SLC23A2: variants seen among roughly 807,000 people sequenced by gnomAD.
The protein encoded by SLC23A2 is Na(+)/L-ascorbic acid transporter 2.
Under a neutral mutation model 73.3 loss-of-function variants are expected in SLC23A2, and 36 were observed. The observed-to-expected ratio is 0.49, with a 90% CI of 0.38 to 0.65. The LOEUF is 0.65. Ranked by LOEUF, SLC23A2 falls within the 30% of genes least tolerant of loss-of-function variation. The pLI is 0.00. For synonymous variants in SLC23A2, 343 were observed against 327.3 expected (o/e 1.05, Z -0.52); for missense variants, 507 against 841.6 (o/e 0.60, Z 4.92).
chr20:4,893,598 T>C (rs755645090), intron 6 of SLC23A2, among the ~76,000 whole-genome samples: 15 of 152,132 alleles, frequency 9.9e-5, no homozygotes, highest in Non-Finnish European at 1.8e-4. Context: ...CAAGGTTCCA[T>C]TACGGGCCCC....
chr20:4,987,665 G>A (rs1417477288), intron 1 of SLC23A2, among the ~76,000 whole-genome samples: 2 of 151,850 alleles, frequency 1.3e-5, no homozygotes, highest in South Asian at 2.1e-4. Context: ...TGGCTAACAC[G>A]GTGAAACCCC....
chr20:5,002,276 G>C (rs2088139403), upstream of SLC23A2, among the ~76,000 whole-genome samples: 1 of 152,198 alleles, frequency 6.6e-6, no homozygotes. Flanking sequence ...AGTTGCTAAG[G>C]CTGGAGGTCT....
intron 1 of SLC23A2, among the ~76,000 whole-genome samples, chr20:4,988,168 G>A (rs1325062722): frequency 4.7e-5 from 7 of 150,374 alleles, no homozygotes; most frequent in East Asian, 2.0e-4. Context: ...CAGGCCTGGT[G>A]GTGGGCACCT....
chr20:4,862,653 T>C lies in SLC23A2; in HGVS notation c.1486+125A>G. ...TAAAAGTTTTCATTTTTTGAAGGCATATCCTTTGTATTTTAAAATAGAAAT... is the reference window on the plus strand; with the variant it reads ...TAAAAGTTTTCATTTTTTGAAGGCACATCCTTTGTATTTTAAAATAGAAAT... On this transcript the variant is annotated intron_variant, in intron 14 of 16. Transcript: ENST00000338244. This position sits in a 1 kb window ranked among gnomAD's most constrained non-coding sequence, Gnocchi z 5.1. 1.2e-6 allele frequency: 1 copy of C among 851,194 alleles called. No homozygotes were observed. The highest frequency in any genetic ancestry group is 2.5e-5 in the East Asian group (1 of 40,190). 52.7% of individuals were successfully genotyped at this position (851,194 alleles called of 1,614,324 possible).
At chr20:4,935,999 A>G in intron 2 of SLC23A2, among the ~76,000 whole-genome samples, 1 of 152,198 alleles carries the variant, frequency 6.6e-6, no homozygotes, top group East Asian at 1.9e-4. Context: ...ACAGAGCTTC[A>G]TTTTAAGGAT....
At chr20:4,961,361 C>A (rs1290591748) in intron 2 of SLC23A2, among the ~76,000 whole-genome samples, 1 of 152,086 alleles carries the variant, frequency 6.6e-6, no homozygotes, top group Non-Finnish European at 1.5e-5. Context: ...GGATTACAGG[C>A]GTGAGCCACC....
chr20:4,857,304 A>ACG lies in SLC23A2; in HGVS notation c.1721-101_1721-100insCG. 1.7e-6 allele frequency: 1 copy of ACG among 575,840 alleles called. No individual in the cohort carries two copies. Among genetic ancestry groups the ACG allele is most frequent in the East Asian group, 2.8e-5 (1 of 35,870 alleles). 35.7% of individuals were successfully genotyped at this position (575,840 alleles called of 1,614,324 possible). A position where few individuals can be genotyped will look rare whatever the true frequency, so the allele number is the denominator to read the frequency against. ...CACATACACACACACACACACACAC[A>ACG]CACACACACACACACACACACACAC... is the stretch of plus-strand genomic sequence containing the variant. On this transcript the variant is annotated intron_variant, in intron 16 of 16. Transcript: ENST00000338244. The surrounding 1 kb of genome is among the most constrained non-coding windows in gnomAD (Gnocchi z 4.0).
At chr20:4,942,849 A>G (rs1221441028) in intron 2 of SLC23A2, among the ~76,000 whole-genome samples, 1 of 152,184 alleles carries the variant, frequency 6.6e-6, no homozygotes, top group African/African-American at 2.4e-5. Flanking sequence ...TAGCAGAGTG[A>G]GCAGGTAACA....
intron 5 of SLC23A2, among the ~76,000 whole-genome samples, chr20:4,900,234 T>C (rs1004860612): frequency 6.6e-6 from 1 of 152,246 alleles, no homozygotes; most frequent in African/African-American, 2.4e-5. Flanking sequence ...ACTTATTACT[T>C]GGATGAATCC....
chr20:4,959,998 T>G (rs908660035), intron 2 of SLC23A2, among the ~76,000 whole-genome samples: 1 of 152,012 alleles, frequency 6.6e-6, no homozygotes, highest in African/African-American at 2.4e-5. Context: ...CTCGCTATGT[T>G]GCCCAGGCTG....
At position 4,883,150 on chromosome 20, in the gene SLC23A2, C is replaced by CCCCAA. The variant is rs1181110764; in HGVS notation, c.824+487_824+491dup. ...GACCCTGGCAGAAACTATGTCCCTC[C>CCCCAA]CCCAACCACCCACCCGTCAGGAGTG... On this transcript the variant is annotated intron_variant, in intron 9 of 16. Transcript: ENST00000338244. This position sits in a 1 kb window ranked among gnomAD's most constrained non-coding sequence, Gnocchi z 4.5. Among the ~76,000 whole-genome samples, 1 of 152,184 alleles carries CCCCAA rather than the reference C, an allele frequency of 6.6e-6. No homozygotes were observed. The highest frequency in any genetic ancestry group is 1.5e-5 in the Non-Finnish European group (1 of 68,030).
chr20:4,962,930 G>A (rs1226966267), intron 2 of SLC23A2, among the ~76,000 whole-genome samples: 1 of 152,108 alleles, frequency 6.6e-6, no homozygotes, highest in African/African-American at 2.4e-5. Flanking sequence ...CCAGGGAGGC[G>A]GAGGTTGCAA....
intron 1 of SLC23A2, among the ~76,000 whole-genome samples, chr20:4,972,461 T>C (rs2087576414): frequency 6.6e-6 from 1 of 151,824 alleles, no homozygotes; most frequent in South Asian, 2.1e-4. Context: ...GTCTTTCCCT[T>C]TCTAAAACAT....
chr20:4,955,841 G>A lies in SLC23A2; in HGVS notation c.-155+14952C>T, dbSNP rs568231977. Among the ~76,000 whole-genome samples, 3 of 151,282 alleles carry A rather than the reference G, an allele frequency of 2.0e-5. No homozygotes were observed. The South Asian group carries it at 6.3e-4, about 32-fold the overall frequency. On this transcript the variant is annotated intron_variant, in intron 2 of 16. Transcript: ENST00000338244. ...ACTGTATATATACATGTGCGATTGA[G>A]CTTTAAAAAAAAAAATGGCTATGCA... is the stretch of plus-strand genomic sequence containing the variant.
intron 4 of SLC23A2, among the ~76,000 whole-genome samples, chr20:4,907,629 A>G (rs891431559): frequency 4.6e-5 from 7 of 152,276 alleles, no homozygotes; most frequent in African/African-American, 1.7e-4. Context: ...TTAAAACTCA[A>G]CAGAAGGGCT....
At position 4,928,768 on chromosome 20, in the gene SLC23A2, A is replaced by C. The variant is rs947802748; in HGVS notation, c.108+3687T>G. Among the ~76,000 whole-genome samples, 6 of 152,334 alleles carry C rather than the reference A, an allele frequency of 3.9e-5. 1 individual carries two copies. Among genetic ancestry groups the C allele is most frequent in the African/African-American group, 1.4e-4 (6 of 41,582 alleles). On this transcript the variant is annotated intron_variant, in intron 3 of 16. Transcript: ENST00000338244. ...CAACTTTATAATTAACATCATATTT[A>C]CACCCAACTATGGCTTACGTCCACA...
In SLC23A2 at chr20:4,885,806, A is replaced by C; in HGVS notation, c.571+15T>G. ...AAAGGACCCCAATGACATATGTGGAAATAACTGCAATTACCTGTGGTGTTA... is the reference window on the plus strand; with the variant it reads ...AAAGGACCCCAATGACATATGTGGACATAACTGCAATTACCTGTGGTGTTA... On this transcript the variant is annotated intron_variant, in intron 7 of 16. Coordinates refer to ENST00000338244, the MANE Select transcript of SLC23A2 (RefSeq NM_005116.6). 6.3e-7 allele frequency: 1 copy of C among 1,581,034 alleles called. No homozygotes were observed. Among genetic ancestry groups the C allele is most frequent in the Non-Finnish European group, 8.7e-7 (1 of 1,149,916 alleles).
At chr20:4,972,896 T>C (rs78064114) in intron 1 of SLC23A2, among the ~76,000 whole-genome samples, 1,641 of 151,912 alleles carry the variant, frequency 0.011, 30 homozygotes, top group East Asian at 0.044. Flanking sequence ...AAGCTATGTT[T>C]ATCAGAAATT....
intron 9 of SLC23A2, among the ~76,000 whole-genome samples, chr20:4,876,858 T>C (rs1930676198): frequency 6.6e-6 from 1 of 152,230 alleles, no homozygotes; most frequent in Non-Finnish European, 1.5e-5. Flanking sequence ...TCATCTTCCT[T>C]GTCCCCAGAC....
Sources: gnomAD v4.1 joint callset for allele counts (sites outside exome capture counted in the v4.1 genomes callset) on GRCh38, gnomAD v4.1.1 for gene constraint, Gnocchi (gnomAD v3.1) non-coding constraint, MANE v1.5 for transcripts, NCBI Gene and HGNC (gene_info 2026-07-23, HGNC 2026-07-21) for gene names.